ZFR2: variants seen among roughly 807,000 people sequenced by gnomAD.
ZFR2 encodes zinc finger RNA-binding protein 2.
A neutral mutation model predicts 105.7 loss-of-function variants in ZFR2; 104 were observed. The observed-to-expected ratio is 0.98, with a 90% CI of 0.84 to 1.16. The LOEUF (loss-of-function observed/expected upper bound fraction) is 1.16, where lower values mean the gene tolerates loss of function less well. Ranked by LOEUF, ZFR2 falls within the 50% of genes most tolerant of loss-of-function variation. The pLI is 0.00. For synonymous variants in ZFR2, 634 were observed against 597.7 expected, an observed-to-expected ratio of 1.06 and a Z score of -0.89; for missense variants, 1,425 against 1,355.5, an observed-to-expected ratio of 1.05 and a Z score of -0.80.
rs1197654127 is a variant in ZFR2, at chr19:3,823,697, CATGAAGT to C, written c.1214-301_1214-295del. Among the ~76,000 whole-genome samples the C allele has an allele frequency of 4.6e-5, 7 of 152,180 alleles. No homozygotes were observed. The highest frequency in any genetic ancestry group is 1.7e-4 in the African/African-American group (7 of 41,446). On this transcript the variant is annotated intron_variant, in intron 7 of 18. Coordinates refer to ENST00000262961, the MANE Select transcript of ZFR2 (RefSeq NM_015174.2). This position sits in a 1 kb window ranked among gnomAD's most constrained non-coding sequence, Gnocchi z 5.4. ...AGCACAAAATCCACAGTTAATAGAC[CATGAAGT>C]ATCAGGCGGACCAAGGCTCGCACTT...
Position 3,831,575 on chromosome 19 carries a change from A to G in ZFR2, c.599-19T>C, listed in dbSNP as rs370879449. The G allele has an allele frequency of 1.9e-6, 3 of 1,553,400 alleles. No homozygotes were observed. The highest frequency in any genetic ancestry group is 1.4e-5 in the African/African-American group (1 of 73,468). On this transcript the variant is annotated intron_variant, in intron 4 of 18. Coordinates refer to ENST00000262961, the MANE Select transcript of ZFR2 (RefSeq NM_015174.2). ...CTTGGTGCTGAGCAGCAGAGAAAAC[A>G]ATGAGTCGGGGGGAGATGCTGATTC... is the stretch of plus-strand genomic sequence containing the variant.
At chr19:3,842,259 C>T (rs1462490656) in intron 1 of ZFR2, among the ~76,000 whole-genome samples, 3 of 151,972 alleles carry the variant, frequency 2.0e-5, no homozygotes, top group African/African-American at 4.8e-5. Flanking sequence ...AGTGATCTGC[C>T]CGCCTCGGCT....
chr19:3,818,050 G>T (rs2037844982), intron 12 of ZFR2, among the ~76,000 whole-genome samples: 1 of 152,272 alleles, frequency 6.6e-6, no homozygotes, highest in Non-Finnish European at 1.5e-5. Flanking sequence ...TTCTGTTTGG[G>T]AAGATGAGAC....
At chr19:3,853,777 T>C (rs900239108) in intron 1 of ZFR2, among the ~76,000 whole-genome samples, 8 of 152,066 alleles carry the variant, frequency 5.3e-5, no homozygotes, top group African/African-American at 1.9e-4. Context: ...GTTAATATAC[T>C]AAAAACCAGG....
At position 3,836,299 on chromosome 19, in the gene ZFR2, G is replaced by A. The variant is rs570405394; in HGVS notation, c.54-1316C>T. Among the ~76,000 whole-genome samples the A allele has an allele frequency of 2.6e-5, 4 of 152,082 alleles. No individual in the cohort carries two copies. In the South Asian group the frequency reaches 8.3e-4, roughly 32 times the overall value. Reference sequence around the variant, plus strand: ...CCATGGATGCAGTGCCTATGAATGCGGAAGGCCAACCGTATTTTCTCTTTA... The same window carrying A: ...CCATGGATGCAGTGCCTATGAATGCAGAAGGCCAACCGTATTTTCTCTTTA... On this transcript the variant is annotated intron_variant, in intron 1 of 18. Transcript: ENST00000262961.
intron 10 of ZFR2, among the ~76,000 whole-genome samples, chr19:3,820,831 G>A (rs539609532): frequency 2.8e-4 from 24 of 87,036 alleles, no homozygotes; most frequent in African/African-American, 9.4e-4. Context: ...ACTAGAGGTC[G>A]GGGGACACAG....
chr19:3,806,127 T>C lies in ZFR2; in HGVS notation c.2644-2A>G, dbSNP rs201832990. On this transcript the variant is annotated splice_acceptor_variant, in intron 18 of 18. Coordinates refer to ENST00000262961, the MANE Select transcript of ZFR2 (RefSeq NM_015174.2). LOFTEE classifies it high-confidence loss of function. ...GAAGGCCAGCATTCGCAGGGCGTGC[T>C]GCGGGGCACACACAGCCTGTCAGGA... 327 of 1,441,000 alleles carry C rather than the reference T, an allele frequency of 2.3e-4. 1 individual carries two copies. Among genetic ancestry groups the C allele is most frequent in the South Asian group, 4.0e-4 (28 of 69,460 alleles). 89.3% of individuals were successfully genotyped at this position (1,441,000 alleles called of 1,614,324 possible). A position where few individuals can be genotyped will look rare whatever the true frequency, so the allele number is the denominator to read the frequency against.
Position 3,838,919 on chromosome 19 carries a change from T to A in ZFR2, c.54-3936A>T, listed in dbSNP as rs2038106449. 6.6e-6 allele frequency among the ~76,000 whole-genome samples: 1 copy of A among 152,070 alleles called. No individual in the cohort carries two copies. Among genetic ancestry groups the A allele is most frequent in the South Asian group, 2.1e-4 (1 of 4,814 alleles). On this transcript the variant is annotated intron_variant, in intron 1 of 18. Coordinates refer to ENST00000262961, the MANE Select transcript of ZFR2 (RefSeq NM_015174.2). This position sits in a 1 kb window ranked among gnomAD's most constrained non-coding sequence, Gnocchi z 4.9. ...GCGGCACGTGGCATGCAGCAGGGGC[T>A]CCATGCACATCTAGGGAGGTCAGGC...
Position 3,827,487 on chromosome 19 carries a change from C to T in ZFR2, c.1019G>A (p.Gly340Glu), listed in dbSNP as rs765312990. 3.8e-5 allele frequency: 59 copies of T among 1,550,210 alleles called. No homozygotes were observed. The highest frequency in any genetic ancestry group is 2.7e-5 in the African/African-American group (2 of 72,988). Residue 340 changes from glycine (G) to glutamate (E), a missense_variant, in exon 6 of 19, where the codon GGA becomes GAA. Coordinates refer to ENST00000262961, the MANE Select transcript of ZFR2 (RefSeq NM_015174.2). ...GADAYAAHIR[G>E]SKHQKVFKLH... The stretch of plus-strand genomic sequence containing the variant: ...GGGCCGTACCTTCTGGTGCTTGGAT[C>T]CCCGGATGTGGGCCGCGTAGGCGTC...
rs139029582 is a variant in ZFR2 at position 3,839,166 on chromosome 19, C to A, written c.54-4183G>T. On this transcript the variant is annotated intron_variant, in intron 1 of 18. Coordinates refer to ENST00000262961, the MANE Select transcript of ZFR2 (RefSeq NM_015174.2). ...ATAAAGAAGAAACATTCAGATTCCACAGATCGGCCACTGTGAGATTTGTGT... is the reference window on the plus strand; with the variant it reads ...ATAAAGAAGAAACATTCAGATTCCAAAGATCGGCCACTGTGAGATTTGTGT... Among the ~76,000 whole-genome samples the A allele has an allele frequency of 3.0e-3, 464 of 152,256 alleles. 2 individuals carry two copies. Among genetic ancestry groups the A allele is most frequent in the African/African-American group, 0.011 (452 of 41,554 alleles).
chr19:3,829,120 C>A (rs1286064076), intron 5 of ZFR2, among the ~76,000 whole-genome samples: 1 of 152,012 alleles, frequency 6.6e-6, no homozygotes, highest in East Asian at 1.9e-4. Flanking sequence ...TGCCACCACG[C>A]CTGGCTAATT....
intron 13 of ZFR2, among the ~76,000 whole-genome samples, chr19:3,814,895 T>C (rs1177310119): frequency 1.3e-5 from 2 of 152,112 alleles, no homozygotes; most frequent in Non-Finnish European, 2.9e-5. Context: ...CTCCTTGCTC[T>C]GGGCCTCCTG....
At chr19:3,860,226 G>C (rs1270254288) in intron 1 of ZFR2, among the ~76,000 whole-genome samples, 1 of 151,008 alleles carries the variant, frequency 6.6e-6, no homozygotes, top group African/African-American at 2.4e-5. Context: ...TCAGAGATGG[G>C]GGGGGTCTCA....
intron 5 of ZFR2, among the ~76,000 whole-genome samples, chr19:3,830,990 C>T (rs1407628862): frequency 6.6e-6 from 1 of 152,172 alleles, no homozygotes; most frequent in Non-Finnish European, 1.5e-5. Flanking sequence ...CATACACACA[C>T]GCTTGCACAC....
rs77837831 is a variant in ZFR2, at chr19:3,823,118, C to T, written c.1371+128G>A. The T allele has an allele frequency of 5.4e-5, 73 of 1,360,318 alleles. No homozygotes were observed. The East Asian group carries it at 1.6e-3, about 30-fold the overall frequency. 84.3% of individuals were successfully genotyped at this position (1,360,318 alleles called of 1,614,324 possible). On this transcript the variant is annotated intron_variant, in intron 8 of 18. Coordinates refer to ENST00000262961, the MANE Select transcript of ZFR2 (RefSeq NM_015174.2). The surrounding 1 kb of genome is among the most constrained non-coding windows in gnomAD (Gnocchi z 5.4). ...GGGTTTTGGTCCATGGAGGTCTGGC[C>T]TGTGCAGCTCAGGAACGGGGATGGG...
chr19:3,826,989 C>T (rs2037957758), intron 6 of ZFR2, among the ~76,000 whole-genome samples: 1 of 152,072 alleles, frequency 6.6e-6, no homozygotes, highest in South Asian at 2.1e-4. Flanking sequence ...CGCCTGTAAT[C>T]CCGGCACTTT....
rs941486752 is a variant in ZFR2 at position 3,804,920 on chromosome 19, C to T, written c.*1029G>A. ...TTTGAGACAGGGTCTCGCTCTGTAA[C>T]CCAGGCTGGAGTTCAGTAGCGCAAT... On this transcript the variant is annotated 3_prime_UTR_variant, in exon 19 of 19. Transcript: ENST00000262961. 1 of 152,652 alleles carries T rather than the reference C, an allele frequency of 6.6e-6. No homozygotes were observed. The highest frequency in any genetic ancestry group is 2.4e-5 in the African/African-American group (1 of 41,474). 9.5% of individuals were successfully genotyped at this position (152,652 alleles called of 1,614,324 possible). A position where few individuals can be genotyped will look rare whatever the true frequency, so the allele number is the denominator to read the frequency against.
chr19:3,851,536 G>C (rs1288778699), intron 1 of ZFR2, among the ~76,000 whole-genome samples: 2 of 152,218 alleles, frequency 1.3e-5, no homozygotes, highest in Non-Finnish European at 2.9e-5. Context: ...TAGAGCATGG[G>C]CTTTGTCTCC....
At chr19:3,839,399 G>A (rs2038111479) in intron 1 of ZFR2, among the ~76,000 whole-genome samples, 1 of 151,810 alleles carries the variant, frequency 6.6e-6, no homozygotes, top group Admixed American at 6.6e-5. Context: ...CCAGTGTGGT[G>A]GTGGGTGCCT....
Sources: allele counts gnomAD v4.1 joint callset (sites outside exome capture counted in the v4.1 genomes callset), GRCh38; gene constraint gnomAD v4.1.1; non-coding constraint Gnocchi (gnomAD v3.1); transcripts MANE v1.5; gene names NCBI Gene and HGNC (gene_info 2026-07-23, HGNC 2026-07-21).